Variants in CD2BP2 observed in about 807,000 individuals in gnomAD.
The protein encoded by CD2BP2 is CD2 antigen cytoplasmic tail-binding protein 2.
CD2BP2 carries 27 observed loss-of-function variants against 35.9 expected under a neutral mutation model. The observed-to-expected ratio is 0.75, with a 90% CI of 0.55 to 1.04. The LOEUF is 1.04. CD2BP2 is among the 50% of genes least tolerant of loss of function. The pLI, the probability that CD2BP2 is intolerant of heterozygous loss-of-function variation, is 0.00. For synonymous variants in CD2BP2, 213 were observed against 173.5 expected (o/e 1.23, Z -1.79); for missense variants, 497 against 444.3 (o/e 1.12, Z -1.07).
chr16:30,354,157 C>G (rs1271479813), intron 3 of CD2BP2, 27 bp downstream of exon 3: 3 of 1,613,402 alleles, frequency 1.9e-6, no homozygotes, highest in Non-Finnish European at 2.5e-6. Flanking sequence ...GTTTTTCCAG[C>G]AGAGTGTATT....
At chr16:30,354,738 G>C in intron 1 of CD2BP2, 31 bp from the exon 2 acceptor site, 1 of 1,451,432 alleles carries the variant, frequency 6.9e-7, no homozygotes, top group Non-Finnish European at 9.7e-7. Context: ...AAGGGAACCG[G>C]GTGAGGAGGG....
chr16:30,352,763 GGA>G lies in CD2BP2; in HGVS notation c.*220_*221del, dbSNP rs1418577929. ...GGCACCTCCAAGAAGGATCTTCATG[GGA>G]GTACTCAGGGACCAAGACAAGTCCA... On this transcript the variant is annotated 3_prime_UTR_variant, in exon 7 of 7. Transcript: ENST00000305596. 3.5e-6 allele frequency: 2 copies of G among 574,136 alleles called. No homozygotes were observed. The highest frequency in any genetic ancestry group is 5.8e-5 in the East Asian group (2 of 34,230). 35.6% of individuals were successfully genotyped at this position (574,136 alleles called of 1,614,324 possible). A position where few individuals can be genotyped will look rare whatever the true frequency, so the allele number is the denominator to read the frequency against.
chr16:30,354,030 C>A lies in CD2BP2; in HGVS notation c.246G>T (p.Glu82Asp). 2 of 1,614,168 alleles carry A rather than the reference C, an allele frequency of 1.2e-6. No individual in the cohort carries two copies. Among genetic ancestry groups the A allele is most frequent in the Non-Finnish European group, 1.7e-6 (2 of 1,180,034 alleles). Reference sequence around the variant, plus strand: ...TAAAGGGTGTGATCCGAACACCCCCCTCGCTGGGGAGTGTGGCTGCCTCCT... The same window carrying A: ...TAAAGGGTGTGATCCGAACACCCCCATCGCTGGGGAGTGTGGCTGCCTCCT... ...EGQEAATLPS[E>D]GGVRITPFNL... The change falls in exon 4 of 7, where the codon GAG becomes GAT. Residue 82 changes from glutamate (E) to aspartate (D), a missense_variant. Physicochemically the swap from Glu to Asp is conservative, Grantham distance 45. Transcript: ENST00000305596.
At chr16:30,354,101 A>G (rs761159074) in intron 3 of CD2BP2, 43 bp from the exon 4 acceptor site, 2 of 1,613,016 alleles carry the variant, frequency 1.2e-6, no homozygotes, top group East Asian at 2.2e-5. Flanking sequence ...CATGGAAAAA[A>G]GAGACCGGAG....
In CD2BP2 at chr16:30,353,971, TC is replaced by T; in HGVS notation, c.304del (p.Asp102MetfsTer8). ...LQEEMEEGHFDADGNYFLNRD... is the reference protein window; with the variant it reads ...LQEEMEEGHFXADGNYFLNRD... ...GTTCAGGAAGTAGTTGCCATCGGCATCAAAGTGGCCTTCCTCCATCTCCTCC... is the reference window on the plus strand; with the variant it reads ...GTTCAGGAAGTAGTTGCCATCGGCATAAAGTGGCCTTCCTCCATCTCCTCC... On this transcript the variant is annotated frameshift_variant, in exon 4 of 7. Transcript: ENST00000305596. LOFTEE classifies it high-confidence loss of function. 1 of 1,614,148 alleles carries T rather than the reference TC, an allele frequency of 6.2e-7. No individual in the cohort carries two copies. The highest frequency in any genetic ancestry group is 1.6e-4 in the Middle Eastern group (1 of 6,062).
At position 30,354,599 on chromosome 16, in the gene CD2BP2, C is replaced by G. The variant is rs199853540; in HGVS notation, c.78+5G>C. ...CCCCCACACAAAGCAGTCTGGCCCC[C>G]TCACCTTCTTCTTGGGGACAATGAT... On this transcript the variant is annotated splice_donor_5th_base_variant and intron_variant, in intron 2 of 6. Transcript: ENST00000305596. 5 of 1,613,562 alleles carry G rather than the reference C, an allele frequency of 3.1e-6. No individual in the cohort carries two copies. The African/African-American group carries it at 6.7e-5, about 22-fold the overall frequency.
chr16:30,354,553 T>A, intron 2 of CD2BP2, 51 bp downstream of exon 2: 1 of 1,585,656 alleles, frequency 6.3e-7, no homozygotes, highest in Non-Finnish European at 8.7e-7. Context: ...TTCTTCCTCT[T>A]CAGGCTTCTA....
Position 30,352,351 on chromosome 16 carries a change from T to C in CD2BP2, c.*634A>G, listed in dbSNP as rs1467573319. ...GAGTTTGCACTTCACTGAAGGGCTG[T>C]GGGAACGACGGCAAGGATAGAGGAA... On this transcript the variant is annotated 3_prime_UTR_variant, in exon 7 of 7. Transcript: ENST00000305596. 1 of 153,388 alleles carries C rather than the reference T, an allele frequency of 6.5e-6. No individual in the cohort carries two copies. Among genetic ancestry groups the C allele is most frequent in the Non-Finnish European group, 1.5e-5 (1 of 68,932 alleles). 9.5% of individuals were successfully genotyped at this position (153,388 alleles called of 1,614,324 possible).
In CD2BP2 at chr16:30,353,252, T is replaced by C. The variant is rs780870231; in HGVS notation, c.844A>G (p.Met282Val). ...GTGTTCTCCCACTTATATTCCCACATCACATCCACCAGACCATCTCCCCGC... is the reference window on the plus strand; with the variant it reads ...GTGTTCTCCCACTTATATTCCCACACCACATCCACCAGACCATCTCCCCGC... ...ESRGDGLVDV[M>V]WEYKWENTGD... The change falls in exon 6 of 7, where the codon ATG becomes GTG. Residue 282 changes from methionine to valine, a missense_variant. By Grantham distance (21) the Met-to-Val change is conservative (BLOSUM62 1). Transcript: ENST00000305596. The C allele has an allele frequency of 2.5e-6, 4 of 1,614,116 alleles. No individual in the cohort carries two copies. The Admixed American group carries it at 6.7e-5, about 27-fold the overall frequency.
In CD2BP2 at chr16:30,351,804, C is replaced by A. The variant is rs2049484196; in HGVS notation, c.*1181G>T. ...ATCTGACTCAGGGGCTCTCTCTCGG[C>A]CTGGCTGCAAGCTGAAAACACCTGG... On this transcript the variant is annotated 3_prime_UTR_variant, in exon 7 of 7. Transcript: ENST00000305596. 6.5e-6 allele frequency: 1 copy of A among 152,676 alleles called. No individual in the cohort carries two copies. The highest frequency in any genetic ancestry group is 2.4e-5 in the African/African-American group (1 of 41,462). 9.5% of individuals were successfully genotyped at this position (152,676 alleles called of 1,614,324 possible). A position where few individuals can be genotyped will look rare whatever the true frequency, so the allele number is the denominator to read the frequency against.
rs770046139 is a variant in CD2BP2 at position 30,354,287 on chromosome 16, C to T, written c.114G>A (p.Gly38=). Residue 38 remains glycine (G), a synonymous_variant, in exon 3 of 7, where the codon GGG becomes GGA. Coordinates refer to ENST00000305596, the MANE Select transcript of CD2BP2 (RefSeq NM_006110.3). Reference sequence around the variant, plus strand: ...AAGAGTGTTTGCCTTTAAAGCGGCTCCCAGGACCCCCTGACCCAGCCACAG... The same window carrying T: ...AAGAGTGTTTGCCTTTAAAGCGGCTTCCAGGACCCCCTGACCCAGCCACAG... The part of the protein sequence containing the change: ...VDPVAGSGGP[G]SRFKGKHSLD... The T allele has an allele frequency of 2.0e-5, 32 of 1,614,086 alleles. No individual in the cohort carries two copies. The highest frequency in any genetic ancestry group is 2.5e-5 in the Non-Finnish European group (30 of 1,179,994).
rs1268926157 is a variant in CD2BP2 at position 30,353,570 on chromosome 16, G to C, written c.606C>G (p.Leu202=). The C allele has an allele frequency of 1.2e-6, 2 of 1,614,166 alleles. No homozygotes were observed. Among genetic ancestry groups the C allele is most frequent in the Non-Finnish European group, 1.7e-6 (2 of 1,180,004 alleles). Residue 202 remains leucine (L), a synonymous_variant, in exon 5 of 7, where the codon CTC becomes CTG. Coordinates refer to ENST00000305596, the MANE Select transcript of CD2BP2 (RefSeq NM_006110.3). ...QPSSPQRLDR[L]SGLADQMVAR... ...CCACCATCTGGTCGGCCAACCCGGA[G>C]AGCCGGTCCAGGCGCTGAGGGGAAC...
rs1452929839 is a variant in CD2BP2, at chr16:30,352,086, G to C, written c.*899C>G. On this transcript the variant is annotated 3_prime_UTR_variant, in exon 7 of 7. Transcript: ENST00000305596. ...CCACCAGACTCTGAATTCCTGGAAG[G>C]GGACCAACCCAGCTACCTCAGTTTC... 2 of 152,518 alleles carry C rather than the reference G, an allele frequency of 1.3e-5. No homozygotes were observed. The highest frequency in any genetic ancestry group is 3.8e-4 in the East Asian group (2 of 5,208). 9.4% of individuals were successfully genotyped at this position (152,518 alleles called of 1,614,324 possible).
chr16:30,354,475 A>T, intron 2 of CD2BP2, 129 bp downstream of exon 2: 1 of 1,353,046 alleles, frequency 7.4e-7, no homozygotes, highest in South Asian at 1.3e-5. Context: ...CTCCCAACCC[A>T]TTCCTCAGAG....
Position 30,353,706 on chromosome 16 carries a change from A to G in CD2BP2, c.470T>C (p.Leu157Pro), listed in dbSNP as rs752139386. The change falls in exon 5 of 7, where the codon CTC (leucine) becomes CCC (proline). Residue 157 changes from leucine (L) to proline (P), a missense_variant. Coordinates refer to ENST00000305596, the MANE Select transcript of CD2BP2 (RefSeq NM_006110.3). ...TAGGAGCTCCAAAAGTCCCTCCAAGAGGGCTTGGGCACTCATTGAGGTCTG... is the reference window on the plus strand; with the variant it reads ...TAGGAGCTCCAAAAGTCCCTCCAAGGGGGCTTGGGCACTCATTGAGGTCTG... ...LGQTSMSAQA[L>P]LEGLLELLLP... 50 of 1,613,482 alleles carry G rather than the reference A, an allele frequency of 3.1e-5. No homozygotes were observed. The Admixed American group carries it at 8.3e-4, about 27-fold the overall frequency.
chr16:30,354,372 C>CA (rs767410245), intron 2 of CD2BP2, 50 bp from the exon 3 acceptor site: 1 of 1,581,638 alleles, frequency 6.3e-7, no homozygotes. Context: ...TGGCTACCTC[C>CA]CCAAATACTT....
Position 30,353,024 on chromosome 16 carries a change from G to A in CD2BP2, c.987C>T (p.Phe329=), listed in dbSNP as rs1388490154. The A allele has an allele frequency of 1.9e-6, 3 of 1,614,002 alleles. No homozygotes were observed. The African/African-American group carries it at 4.0e-5, about 22-fold the overall frequency. The part of the protein sequence containing the change: ...CRKLDPPGGQ[F]YNSKRIDFDL... Reference sequence around the variant, plus strand: ...CAAAGTCAATGCGTTTGGAGTTGTAGAACTGACCACCAGGGGGGTCCAGCT... The same window carrying A: ...CAAAGTCAATGCGTTTGGAGTTGTAAAACTGACCACCAGGGGGGTCCAGCT... Residue 329 remains phenylalanine, a synonymous_variant, in exon 7 of 7, where the codon TTC becomes TTT. Transcript: ENST00000305596.
In CD2BP2 at chr16:30,352,899, C is replaced by CCGGCT. The variant is rs1200841262; in HGVS notation, c.*85_*86insAGCCG. On this transcript the variant is annotated 3_prime_UTR_variant, in exon 7 of 7. Coordinates refer to ENST00000305596, the MANE Select transcript of CD2BP2 (RefSeq NM_006110.3). ...AGGGAAATTGACTGAAAAATGGCCT[C>CCGGCT]CAATTTCCTCGCTGCCTGAGACACT... 5.8e-6 allele frequency: 5 copies of CCGGCT among 858,720 alleles called. No individual in the cohort carries two copies. Among genetic ancestry groups the CCGGCT allele is most frequent in the Non-Finnish European group, 9.8e-6 (5 of 508,916 alleles). The allele number at this position is 858,720 out of a possible 1,614,324, so 53.2% of individuals were successfully genotyped here. A position where few individuals can be genotyped will look rare whatever the true frequency, so the allele number is the denominator to read the frequency against.
At position 30,354,447 on chromosome 16, in the gene CD2BP2, G is replaced by A. The variant is rs866776384; in HGVS notation, c.79-125C>T. On this transcript the variant is annotated intron_variant, in intron 2 of 6. Coordinates refer to ENST00000305596, the MANE Select transcript of CD2BP2 (RefSeq NM_006110.3). Reference sequence around the variant, plus strand: ...CTCGACTACTTCCCCAAATATTTCAGGAGCCACACTAAAGACGCTCCCAAC... The same window carrying A: ...CTCGACTACTTCCCCAAATATTTCAAGAGCCACACTAAAGACGCTCCCAAC... 1.7e-4 allele frequency: 230 copies of A among 1,384,582 alleles called. 4 individuals are homozygous for A. In the South Asian group the frequency reaches 2.5e-3, roughly 15 times the overall value. 85.8% of individuals were successfully genotyped at this position (1,384,582 alleles called of 1,614,324 possible).
Sources: allele counts gnomAD v4.1 joint callset, GRCh38; gene constraint gnomAD v4.1.1; transcripts MANE v1.5; gene names NCBI Gene and HGNC (gene_info 2026-07-23, HGNC 2026-07-21).